RUFY1: variants seen among roughly 807,000 people sequenced by gnomAD.
RUFY1 encodes the protein RUN and FYVE domain containing 1.
In RUFY1, 54 loss-of-function variants were observed where a neutral mutation model predicts 94.6. The observed-to-expected ratio is 0.57, with a 90% CI of 0.46 to 0.72. RUFY1 has a LOEUF of 0.72. Ranked by LOEUF, RUFY1 falls within the 30% of genes least tolerant of loss-of-function variation. The probability of loss-of-function intolerance (pLI) is 0.00; values close to 1 mark genes in which losing one functional copy is unlikely to be tolerated. For missense variants in RUFY1, 883 were observed against 883.9 expected (o/e 1.00, Z 0.01); for synonymous variants, 396 against 347.3 (o/e 1.14, Z -1.56).
intron 8 of RUFY1, among the ~76,000 whole-genome samples, chr5:179,586,099 A>G: frequency 6.6e-6 from 1 of 152,108 alleles, no homozygotes; most frequent in East Asian, 1.9e-4. Context: ...TTATCACCTC[A>G]AAGTCATCCC....
At chr5:179,609,304 T>C (rs1767472664) in intron 17 of RUFY1, 72 bp from the exon 18 acceptor site, 2 of 1,510,996 alleles carry the variant, frequency 1.3e-6, no homozygotes, top group South Asian at 1.2e-5. Context: ...CGCTTCTGGG[T>C]CAGGAAGCAG....
intron 4 of RUFY1, 141 bp from the exon 5 acceptor site, chr5:179,569,161 G>T (rs1259296901): frequency 6.5e-7 from 1 of 1,535,756 alleles, no homozygotes; most frequent in African/African-American, 1.4e-5. Flanking sequence ...AAGCAGTGAA[G>T]AGAAATGAAA....
chr5:179,608,305 G>A (rs1581584108), intron 17 of RUFY1: 1 of 985,644 alleles, frequency 1.0e-6, no homozygotes, highest in Non-Finnish European at 1.2e-6. Context: ...TGGAAGAGAG[G>A]AAGCCACAGC....
At chr5:179,595,700 T>C (rs1029572376) in intron 12 of RUFY1, among the ~76,000 whole-genome samples, 1 of 152,016 alleles carries the variant, frequency 6.6e-6, no homozygotes, top group African/African-American at 2.4e-5. Context: ...TACAGGTGCC[T>C]GCCACCATGC....
chr5:179,590,498 G>A (rs1229091121), intron 9 of RUFY1, among the ~76,000 whole-genome samples: 1 of 151,666 alleles, frequency 6.6e-6, no homozygotes, highest in African/African-American at 2.4e-5. Context: ...TTGTTTGTTT[G>A]TTTCTAGACA....
At chr5:179,598,133 T>C (rs2127564142) in intron 13 of RUFY1, 1 of 152,918 alleles carries the variant, frequency 6.5e-6, no homozygotes, top group South Asian at 2.1e-4. Flanking sequence ...GAGGTTGCAG[T>C]GAGCCAAGAT....
intron 1 of RUFY1, among the ~76,000 whole-genome samples, chr5:179,555,339 T>C (rs987434558): frequency 2.0e-5 from 3 of 152,040 alleles, no homozygotes; most frequent in Non-Finnish European, 2.9e-5. Context: ...CTCTGTGTCA[T>C]GTTGAACTAT....
chr5:179,554,439 G>A (rs1762012366), intron 1 of RUFY1, among the ~76,000 whole-genome samples: 1 of 152,028 alleles, frequency 6.6e-6, no homozygotes, highest in Non-Finnish European at 1.5e-5. Flanking sequence ...AGGAGGCTGA[G>A]GCAGGAGAAT....
chr5:179,587,651 C>T (rs1173230244), intron 8 of RUFY1, among the ~76,000 whole-genome samples: 20 of 148,540 alleles, frequency 1.3e-4, no homozygotes, highest in Non-Finnish European at 2.7e-4. Context: ...CTGCCCACCT[C>T]GGCCTCCCAA....
intron 9 of RUFY1, 80 bp from the exon 10 acceptor site, chr5:179,591,545 G>T (rs1765105457): frequency 3.5e-6 from 3 of 859,220 alleles, no homozygotes; most frequent in African/African-American, 3.5e-5. Flanking sequence ...TTTTAAAATT[G>T]TGGTATATTT....
At chr5:179,554,961 T>C (rs1279672813) in intron 1 of RUFY1, among the ~76,000 whole-genome samples, 3 of 151,676 alleles carry the variant, frequency 2.0e-5, no homozygotes, top group Non-Finnish European at 4.4e-5. Flanking sequence ...AGCAAAATTC[T>C]GTCTCAAAAA....
At position 179,560,130 on chromosome 5, in the gene RUFY1, A is replaced by C; in HGVS notation, c.416A>C (p.Asp139Ala). Residue 139 changes from aspartate to alanine, a missense_variant, in exon 2 of 18, where the codon GAT (aspartate) becomes GCT (alanine). Coordinates refer to ENST00000319449, the MANE Select transcript of RUFY1 (RefSeq NM_025158.5). ...QSALSLGRSLDADHAPLQQFF... is the reference protein window; with the variant it reads ...QSALSLGRSLAADHAPLQQFF... ...GCTCTGAGCCTGGGCCGCAGCCTGG[A>C]TGCGGACCATGCCCCCTTGCAGCAG... The C allele has an allele frequency of 6.2e-7, 1 of 1,614,042 alleles. No individual in the cohort carries two copies. The highest frequency in any genetic ancestry group is 2.2e-5 in the East Asian group (1 of 44,876).
Position 179,567,535 on chromosome 5 carries a change from T to A in RUFY1, c.677T>A (p.Val226Glu). ...MQKKLADYLK[V>E]LIDNKHLLSE... ...AAGAAACTGGCAGATTATCTGAAAG[T>A]GCTTATAGACAATAAACATCTCTTA... Residue 226 changes from valine to glutamate, a missense_variant, in exon 4 of 18, where the codon GTG (valine) becomes GAG (glutamate). Transcript: ENST00000319449. 6.2e-7 allele frequency: 1 copy of A among 1,613,026 alleles called. No individual in the cohort carries two copies. The highest frequency in any genetic ancestry group is 8.5e-7 in the Non-Finnish European group (1 of 1,178,938).
At chr5:179,579,079 A>T (rs1394590410) in intron 6 of RUFY1, among the ~76,000 whole-genome samples, 1 of 152,174 alleles carries the variant, frequency 6.6e-6, no homozygotes, top group East Asian at 1.9e-4. Context: ...GGGGGTTTTC[A>T]CTGTAAACCT....
At chr5:179,590,881 T>A (rs992009257) in intron 9 of RUFY1, 2 of 152,022 alleles carry the variant, frequency 1.3e-5, no homozygotes, top group Non-Finnish European at 2.9e-5. Flanking sequence ...TCACCCAGGC[T>A]GGAATGTAGT....
Position 179,550,602 on chromosome 5 carries a change from G to T in RUFY1, c.33G>T (p.Gly11=). 2 of 1,289,082 alleles carry T rather than the reference G, an allele frequency of 1.6e-6. No individual in the cohort carries two copies. The highest frequency in any genetic ancestry group is 1.9e-6 in the Non-Finnish European group (2 of 1,027,530). 79.9% of individuals were successfully genotyped at this position (1,289,082 alleles called of 1,614,324 possible). Residue 11 remains glycine, a synonymous_variant, in exon 1 of 18, where the codon GGG becomes GGT. Transcript: ENST00000319449. MADREGGCAA[G]RGRELEPELE... ...ACCGGGAAGGCGGCTGCGCTGCTGG[G>T]CGGGGGCGGGAGCTGGAGCCGGAGC...
chr5:179,585,527 C>T (rs913255318), intron 7 of RUFY1, among the ~76,000 whole-genome samples: 11 of 152,276 alleles, frequency 7.2e-5, no homozygotes, highest in Non-Finnish European at 5.9e-5. Context: ...TGCAGTGAGC[C>T]AAGATCACTC....
At chr5:179,600,684 CTTTTTTTT>C (rs398000079) in intron 14 of RUFY1, among the ~76,000 whole-genome samples, 32 of 54,704 alleles carry the variant, frequency 5.8e-4, no homozygotes, top group Admixed American at 1.6e-3. Context: ...ATGATGGTAA[CTTTTTTTT>C]TTTTTTTTTT....
At chr5:179,596,823 C>T in intron 13 of RUFY1, 142 bp downstream of exon 13, 1 of 1,116,218 alleles carries the variant, frequency 9.0e-7, no homozygotes, top group Non-Finnish European at 1.2e-6. Context: ...ACCACTCACC[C>T]CTGCAGGGTT....
Sources: gnomAD v4.1 joint callset for allele counts (sites outside exome capture counted in the v4.1 genomes callset) on GRCh38, gnomAD v4.1.1 for gene constraint, MANE v1.5 for transcripts, NCBI Gene and HGNC (gene_info 2026-07-23, HGNC 2026-07-21) for gene names.